The following TPRX1 variants were observed in gnomAD, a reference collection of about 807,000 sequenced individuals.
TPRX1 encodes the protein tetrapeptide repeat homeobox 1.
In TPRX1, 2 loss-of-function variants were observed where a neutral mutation model predicts 8.1. The ratio of observed to expected loss-of-function variants is 0.25; its 90% CI spans 0.10 to 0.78. The LOEUF (loss-of-function observed/expected upper bound fraction) is 0.78, where lower values mean the gene tolerates loss of function less well. Ranked by LOEUF, TPRX1 falls within the 30% of genes least tolerant of loss-of-function variation. TPRX1 has a pLI of 0.70. For synonymous variants in TPRX1, 257 were observed against 254.1 expected, an observed-to-expected ratio of 1.01 and a Z score of -0.11; for missense variants, 517 against 586.9, an observed-to-expected ratio of 0.88 and a Z score of 1.23.
intron 2 of TPRX1, among the ~76,000 whole-genome samples, chr19:47,806,497 G>T (rs1254094681): frequency 6.6e-6 from 1 of 152,096 alleles, no homozygotes; most frequent in African/African-American, 2.4e-5. Context: ...TCCAGCCTGG[G>T]TGACAGAGGG....
chr19:47,809,435 A>T (rs1257252625), intron 2 of TPRX1, among the ~76,000 whole-genome samples: 2 of 151,854 alleles, frequency 1.3e-5, no homozygotes, highest in African/African-American at 4.8e-5. Flanking sequence ...CGCATGTGCC[A>T]CCACATCTGG....
At position 47,801,955 on chromosome 19, in the gene TPRX1, G is replaced by C. The variant is rs761941876; in HGVS notation, c.1347C>G (p.His449Gln). ...CTAGGGGTAGGAGCAGCTCTGTGAA[G>C]TGAGGGAATAACTGGGTGTCTGGCA... Residue 449 changes from histidine to glutamine, a missense_variant, in exon 4 of 4, where the codon CAC (histidine) becomes CAG (glutamine). His to Gln is a conservative substitution (Grantham distance 24). This residue lies in a region of TPRX1 where 506 missense variants were observed against 515.5 expected (regional missense o/e 0.98). Transcript: ENST00000535759. 8.7e-6 allele frequency: 14 copies of C among 1,614,134 alleles called. No homozygotes were observed. In the East Asian group the frequency reaches 2.7e-4, roughly 31 times the overall value.
intron 3 of TPRX1, among the ~76,000 whole-genome samples, chr19:47,803,182 T>G (rs1324446408): frequency 2.0e-4 from 25 of 124,536 alleles, no homozygotes; most frequent in African/African-American, 3.6e-4. Flanking sequence ...GAGGGTGGGG[T>G]GGGATGGGAG....
At chr19:47,803,366 C>A (rs1967701531) in intron 3 of TPRX1, 138 bp downstream of exon 2, 2 of 705,536 alleles carry the variant, frequency 2.8e-6, no homozygotes, top group Non-Finnish European at 2.5e-6. Flanking sequence ...ACTCAGGATG[C>A]AGCCCTGGTC....
At chr19:47,812,430 C>G (rs1427891304) in intron 2 of TPRX1, among the ~76,000 whole-genome samples, 3 of 151,238 alleles carry the variant, frequency 2.0e-5, no homozygotes, top group Non-Finnish European at 4.4e-5. Flanking sequence ...GATCTTGTCT[C>G]TCTTAAAAAA....
At chr19:47,804,459 C>T (rs557582380) in intron 2 of TPRX1, among the ~76,000 whole-genome samples, 56 bp downstream of exon 1, 3 of 152,244 alleles carry the variant, frequency 2.0e-5, no homozygotes, top group South Asian at 2.1e-4. Flanking sequence ...GATTTGCACT[C>T]TGCAGCCTCA....
At chr19:47,805,439 A>G (rs558341359) in intron 2 of TPRX1, among the ~76,000 whole-genome samples, 1 of 152,232 alleles carries the variant, frequency 6.6e-6, no homozygotes, top group East Asian at 1.9e-4. Context: ...TGGTCTACAG[A>G]GATCGGATCC....
chr19:47,806,547 A>T (rs1967736988), intron 2 of TPRX1, among the ~76,000 whole-genome samples: 1 of 151,950 alleles, frequency 6.6e-6, no homozygotes, highest in Non-Finnish European at 1.5e-5. Context: ...CCCCCAAAAA[A>T]ACCCACAAAA....
chr19:47,802,078 G>A, exon 4 of TPRX1: 1 of 1,597,064 alleles, frequency 6.3e-7, no homozygotes. Flanking sequence ...CTGAGCCTGG[G>A]CCTGAGCCTG....
intron 2 of TPRX1, among the ~76,000 whole-genome samples, chr19:47,814,459 G>T (rs576835602): frequency 6.6e-6 from 1 of 152,302 alleles, no homozygotes; most frequent in Non-Finnish European, 1.5e-5. Flanking sequence ...AGGAGCTTGA[G>T]ACCAGCCTAG....
At chr19:47,802,182 C>G in exon 4 of TPRX1, 2 of 1,608,362 alleles carry the variant, frequency 1.2e-6, no homozygotes, top group Non-Finnish European at 1.7e-6. Context: ...CTGCCTGGGC[C>G]TGGGATCTGG....
At chr19:47,817,620 C>T (rs1057210366) in intron 2 of TPRX1, among the ~76,000 whole-genome samples, 3 of 152,218 alleles carry the variant, frequency 2.0e-5, no homozygotes, top group East Asian at 3.9e-4. Context: ...GAGCCCCGCT[C>T]TTCACCCCCG....
At chr19:47,811,742 C>T (rs1189941505) in intron 2 of TPRX1, among the ~76,000 whole-genome samples, 1 of 152,078 alleles carries the variant, frequency 6.6e-6, no homozygotes, top group Non-Finnish European at 1.5e-5. Flanking sequence ...CGTGATCCGC[C>T]CACCTCAGCC....
rs1568617436 is a variant in TPRX1 at position 47,815,155 on chromosome 19, TATATA to T, written c.151+3308_151+3312del. Among the ~76,000 whole-genome samples the T allele has an allele frequency of 3.5e-5, 3 of 86,800 alleles. 1 individual carries two copies. The highest frequency in any genetic ancestry group is 1.5e-4 in the African/African-American group (3 of 19,982). The allele number at this position is 86,800 out of a possible 152,430, so 56.9% of individuals were successfully genotyped here. On this transcript the variant is annotated intron_variant, in intron 2 of 3. Coordinates refer to ENST00000535759, the Ensembl canonical transcript of TPRX1. ...ATATATATATATATGCAAATATATATATATATATTTTTTTTTTTTGAGACAGTCTT... is the reference window on the plus strand; with the variant it reads ...ATATATATATATATGCAAATATATATTATTTTTTTTTTTTGAGACAGTCTT...
At chr19:47,811,422 C>A (rs953804664) in intron 2 of TPRX1, among the ~76,000 whole-genome samples, 1 of 151,830 alleles carries the variant, frequency 6.6e-6, no homozygotes, top group Non-Finnish European at 1.5e-5. Flanking sequence ...GTGAGCAGAG[C>A]CTTGTGGGAC....
chr19:47,801,847 C>T (rs1054612473), exon 4 of TPRX1: 3 of 1,614,024 alleles, frequency 1.9e-6, no homozygotes, highest in Non-Finnish European at 2.5e-6. Flanking sequence ...GGGGCTGAGA[C>T]CCTGAGTGTT....
Position 47,816,529 on chromosome 19 carries a change from ATTTTTTTTTT to A in TPRX1, c.151+1929_151+1938del, listed in dbSNP as rs35029272. Among the ~76,000 whole-genome samples the A allele has an allele frequency of 2.9e-4, 33 of 114,676 alleles. No individual in the cohort carries two copies. In the Middle Eastern group the frequency reaches 0.018, roughly 63 times the overall value. 75.2% of individuals were successfully genotyped at this position (114,676 alleles called of 152,430 possible). A position where few individuals can be genotyped will look rare whatever the true frequency, so the allele number is the denominator to read the frequency against. On this transcript the variant is annotated intron_variant, in intron 2 of 3. Coordinates refer to ENST00000535759, the Ensembl canonical transcript of TPRX1. ...GCCTTGGCCTCCCAAACCCCTGGGA[ATTTTTTTTTT>A]TTTTTTTTTTTGAGATGGAGTCTCA...
intron 2 of TPRX1, among the ~76,000 whole-genome samples, chr19:47,813,945 C>T (rs1264761125): frequency 6.7e-4 from 3 of 4,492 alleles, no homozygotes; most frequent in South Asian, 5.2e-3. Flanking sequence ...CAGAGAAGGG[C>T]GTGGTGGGGG....
intron 2 of TPRX1, among the ~76,000 whole-genome samples, chr19:47,811,915 G>A (rs1967787572): frequency 6.6e-6 from 1 of 150,702 alleles, no homozygotes; most frequent in Admixed American, 6.6e-5. Flanking sequence ...TGCCCAGGCT[G>A]GAGTGCAATG....
Sources: gnomAD v4.1 joint callset for allele counts (sites outside exome capture counted in the v4.1 genomes callset) on GRCh38, gnomAD v4.1.1 for gene constraint, gnomAD v4.1.1 regional missense constraint, MANE v1.5 for transcripts, NCBI Gene and HGNC (gene_info 2026-07-23, HGNC 2026-07-21) for gene names.